Variants in RIOK2 observed in about 807,000 individuals in gnomAD.
RIOK2 encodes the protein RIO kinase 2.
Under a neutral mutation model 62.4 loss-of-function variants are expected in RIOK2, and 46 were observed. That is an observed-to-expected ratio of 0.74 (90% CI 0.58 to 0.94). The LOEUF (loss-of-function observed/expected upper bound fraction) is 0.94, where lower values mean the gene tolerates loss of function less well. RIOK2 is among the 40% of genes least tolerant of loss of function. The pLI is 0.00. For synonymous variants in RIOK2, 197 were observed against 216.0 expected (o/e 0.91, Z 0.77); for missense variants, 574 against 658.0 (o/e 0.87, Z 1.40).
intron 1 of RIOK2, among the ~76,000 whole-genome samples, chr5:97,181,779 C>T (rs1749419813): frequency 6.6e-6 from 1 of 152,114 alleles, no homozygotes. Context: ...ACTTTTGACC[C>T]CTACTTCTGT....
intron 3 of RIOK2, 93 bp downstream of exon 3, chr5:97,177,639 G>GA (rs34740709): frequency 1.2e-6 from 1 of 807,298 alleles, no homozygotes; most frequent in Non-Finnish European, 2.0e-6. Flanking sequence ...TGTTTAGTTA[G>GA]AAAAAAGGGA....
chr5:97,171,707 A>C (rs2432123), intron 5 of RIOK2, among the ~76,000 whole-genome samples: 14,632 of 152,198 alleles, frequency 0.096, 852 homozygotes, highest in African/African-American at 0.15. Context: ...TTATAACGTT[A>C]ACACTAGCCA....
rs772770369 is a variant in RIOK2 at position 97,171,184 on chromosome 5, T to A, written c.779+22A>T. ...CCAAAAAAATAAAATAAAATAAAAA[T>A]AAAAAAATAGCAAGTACGTACCACT... On this transcript the variant is annotated intron_variant, in intron 6 of 9. Coordinates refer to ENST00000283109, the MANE Select transcript of RIOK2 (RefSeq NM_018343.3). 8.9e-6 allele frequency: 12 copies of A among 1,353,140 alleles called. No individual in the cohort carries two copies. The East Asian group carries it at 1.4e-4, about 15-fold the overall frequency. 83.8% of individuals were successfully genotyped at this position (1,353,140 alleles called of 1,614,324 possible). A position where few individuals can be genotyped will look rare whatever the true frequency, so the allele number is the denominator to read the frequency against.
intron 1 of RIOK2, 184 bp downstream of exon 1, chr5:97,182,942 G>A: frequency 2.8e-6 from 2 of 721,108 alleles, no homozygotes; most frequent in Non-Finnish European, 5.1e-6. Context: ...TCTGGGGGAA[G>A]GTAAGCTCCC....
In RIOK2 at chr5:97,164,871, A is replaced by C. The variant is rs2112824481; in HGVS notation, c.1494+180T>G. ...AATGGTGGCAGGACACAACTCTACC[A>C]CATCCTTTGAGCAACATTCATTTAT... On this transcript the variant is annotated intron_variant, in intron 9 of 9. Coordinates refer to ENST00000283109, the MANE Select transcript of RIOK2 (RefSeq NM_018343.3). The C allele has an allele frequency of 7.8e-6, 3 of 386,606 alleles. No homozygotes were observed. The East Asian group carries it at 1.1e-4, about 15-fold the overall frequency. The allele number at this position is 386,606 out of a possible 1,614,324, so 23.9% of individuals were successfully genotyped here. A position where few individuals can be genotyped will look rare whatever the true frequency, so the allele number is the denominator to read the frequency against.
intron 3 of RIOK2, 92 bp from the exon 4 acceptor site, chr5:97,177,383 A>G: frequency 8.3e-7 from 1 of 1,210,660 alleles, no homozygotes; most frequent in Non-Finnish European, 1.1e-6. Flanking sequence ...TTTGTATCAA[A>G]AATGTCATTT....
intron 6 of RIOK2, among the ~76,000 whole-genome samples, chr5:97,169,590 T>C (rs1288440215): frequency 1.4e-4 from 21 of 152,198 alleles, no homozygotes; most frequent in Non-Finnish European, 3.1e-4. Context: ...AGTTTGGAAA[T>C]AGGAAGATAA....
At chr5:97,174,834 A>T (rs1350062903) in intron 4 of RIOK2, among the ~76,000 whole-genome samples, 1 of 152,018 alleles carries the variant, frequency 6.6e-6, no homozygotes, top group African/African-American at 2.4e-5. Flanking sequence ...GTACTTTGGG[A>T]GGCCGAGGTG....
chr5:97,166,316 T>A, intron 8 of RIOK2: 1 of 455,944 alleles, frequency 2.2e-6, no homozygotes, highest in Non-Finnish European at 4.4e-6. Flanking sequence ...AGCTTCTGAT[T>A]TAATTTTCCA....
intron 4 of RIOK2, among the ~76,000 whole-genome samples, chr5:97,174,190 G>A (rs866778994): frequency 1.3e-5 from 2 of 152,144 alleles, no homozygotes; most frequent in East Asian, 1.9e-4. Flanking sequence ...AGGCCGAGGC[G>A]GGTGGATCAG....
At chr5:97,177,070 G>T (rs1273821415) in intron 4 of RIOK2, 46 bp downstream of exon 4, 1 of 1,510,380 alleles carries the variant, frequency 6.6e-7, no homozygotes, top group Non-Finnish European at 9.1e-7. Context: ...TGAGACACAT[G>T]TATTATTTGG....
At position 97,165,151 on chromosome 5, in the gene RIOK2, A is replaced by C; in HGVS notation, c.1398-4T>G. On this transcript the variant is annotated splice_region_variant and splice_polypyrimidine_tract_variant and intron_variant, in intron 8 of 9. Coordinates refer to ENST00000283109, the MANE Select transcript of RIOK2 (RefSeq NM_018343.3). ...AGCTCCCACATTTTCTTCATCTCTA[A>C]AATTAAAAAACCCACAATTTATCTA... The C allele has an allele frequency of 7.2e-7, 1 of 1,385,964 alleles. No homozygotes were observed. The highest frequency in any genetic ancestry group is 9.5e-7 in the Non-Finnish European group (1 of 1,049,614). The allele number at this position is 1,385,964 out of a possible 1,614,324, so 85.9% of individuals were successfully genotyped here. A position where few individuals can be genotyped will look rare whatever the true frequency, so the allele number is the denominator to read the frequency against.
intron 2 of RIOK2, 31 bp downstream of exon 2, chr5:97,179,024 A>G (rs1436985041): frequency 6.2e-7 from 1 of 1,613,310 alleles, no homozygotes; most frequent in African/African-American, 1.3e-5. Context: ...AATTACCTGA[A>G]AAATCACAAA....
chr5:97,173,127 T>C (rs1561518649), intron 5 of RIOK2, 48 bp downstream of exon 5: 1 of 1,357,256 alleles, frequency 7.4e-7, no homozygotes. Flanking sequence ...CCCTGAAACT[T>C]AAATTCATTT....
rs538882365 is a variant in RIOK2, at chr5:97,162,804, T to G, written c.*257A>C. 46 of 377,138 alleles carry G rather than the reference T, an allele frequency of 1.2e-4. No homozygotes were observed. The South Asian group carries it at 2.0e-3, about 16-fold the overall frequency. 23.4% of individuals were successfully genotyped at this position (377,138 alleles called of 1,614,324 possible). ...AACAGAAAACAACAAAAATGTTATT[T>G]AGATTTTTAAAAATATGCAAATGTC... is the stretch of plus-strand genomic sequence containing the variant. On this transcript the variant is annotated 3_prime_UTR_variant, in exon 10 of 10. Transcript: ENST00000283109.
rs564101320 is a variant in RIOK2 at position 97,171,364 on chromosome 5, T to C, written c.621A>G (p.Ser207=). 2 of 1,565,362 alleles carry C rather than the reference T, an allele frequency of 1.3e-6. No homozygotes were observed. The highest frequency in any genetic ancestry group is 1.2e-5 in the South Asian group (1 of 82,840). Residue 207 remains serine, a synonymous_variant, in exon 6 of 10, where the codon TCA becomes TCG. Transcript: ENST00000283109. ...TTAGTTCCATAGCTTCATCATATAC[T>C]GATGCAGGATCTTCAACATGGTGTA... is the stretch of plus-strand genomic sequence containing the variant. ...CQIHHVEDPA[S]VYDEAMELIV... is the part of the protein sequence containing the mutation.
At chr5:97,174,355 G>C (rs143628130) in intron 4 of RIOK2, among the ~76,000 whole-genome samples, 1,860 of 152,314 alleles carry the variant, frequency 0.012, 36 homozygotes, top group African/African-American at 0.041. Flanking sequence ...GGGAGGCAGA[G>C]GTTGCAGTGA....
At chr5:97,181,818 G>A (rs1749421857) in intron 1 of RIOK2, among the ~76,000 whole-genome samples, 1 of 152,120 alleles carries the variant, frequency 6.6e-6, no homozygotes, top group East Asian at 1.9e-4. Context: ...AGTGTGCTGA[G>A]AAAGCAGGAA....
chr5:97,167,936 G>C lies in RIOK2; in HGVS notation c.928C>G (p.Gln310Glu), dbSNP rs1027657845. Residue 310 changes from glutamine to glutamate, a missense_variant, in exon 8 of 10, where the codon CAG becomes GAG. Coordinates refer to ENST00000283109, the MANE Select transcript of RIOK2 (RefSeq NM_018343.3). The part of the protein sequence containing the change: ...VSASGYTKEM[Q>E]ADDELLHPLG... ...GGATGAAGCAGTTCATCATCTGCCT[G>C]CATTTCCTTTGTGTAGCCACTGGCA... 6.2e-7 allele frequency: 1 copy of C among 1,607,806 alleles called. No homozygotes were observed. Among genetic ancestry groups the C allele is most frequent in the African/African-American group, 1.3e-5 (1 of 74,914 alleles).
Sources: allele counts gnomAD v4.1 joint callset (sites outside exome capture counted in the v4.1 genomes callset), GRCh38; gene constraint gnomAD v4.1.1; transcripts MANE v1.5; gene names NCBI Gene and HGNC (gene_info 2026-07-23, HGNC 2026-07-21).